RNGTT: variants seen among roughly 807,000 people sequenced by gnomAD.
RNGTT encodes the protein RNA guanylyltransferase and 5'-phosphatase.
RNGTT carries 33 observed loss-of-function variants against 79.3 expected under a neutral mutation model. That is an observed-to-expected ratio of 0.42 (90% CI 0.32 to 0.56). RNGTT has a LOEUF of 0.56. Ranked by LOEUF, RNGTT falls within the 20% of genes least tolerant of loss-of-function variation. The pLI is 0.17. For synonymous variants in RNGTT, 222 were observed against 235.9 expected, an observed-to-expected ratio of 0.94 and a Z score of 0.54; for missense variants, 497 against 739.1, an observed-to-expected ratio of 0.67 and a Z score of 3.80.
intron 14 of RNGTT, among the ~76,000 whole-genome samples, chr6:88,665,430 C>T (rs1000067323): frequency 6.6e-6 from 1 of 152,144 alleles, no homozygotes; most frequent in Non-Finnish European, 1.5e-5. Flanking sequence ...CACCCCCCTC[C>T]TACCTGTTCC....
At chr6:88,906,325 ATTACAAAATACATC>A in intron 5 of RNGTT, 26 bp downstream of exon 5, 1 of 1,338,684 alleles carries the variant, frequency 7.5e-7, no homozygotes, top group Non-Finnish European at 1.0e-6. Flanking sequence ...AAAATTTTTT[ATTACAAAATACATC>A]TTCCATTATA....
chr6:88,752,533 A>G (rs181365812), intron 13 of RNGTT, among the ~76,000 whole-genome samples: 83 of 152,276 alleles, frequency 5.5e-4, no homozygotes, highest in Non-Finnish European at 7.9e-4. Context: ...CCAGACTACA[A>G]TATAACTGCT....
intron 11 of RNGTT, among the ~76,000 whole-genome samples, chr6:88,820,693 C>A (rs1042009862): frequency 6.6e-6 from 1 of 152,034 alleles, no homozygotes; most frequent in Non-Finnish European, 1.5e-5. Flanking sequence ...ATTTAAAATA[C>A]AATAACATTT....
At chr6:88,930,000 A>G (rs1312291679) in intron 2 of RNGTT, among the ~76,000 whole-genome samples, 6 of 149,068 alleles carry the variant, frequency 4.0e-5, no homozygotes, top group African/African-American at 7.4e-5. Context: ...ATGTATACAT[A>G]TATACATATG....
At chr6:88,946,528 C>G (rs969099181) in intron 1 of RNGTT, among the ~76,000 whole-genome samples, 8 of 152,186 alleles carry the variant, frequency 5.3e-5, no homozygotes, top group African/African-American at 1.9e-4. Flanking sequence ...TGATTAAGTT[C>G]AGTGAAGAAG....
chr6:88,675,042 G>C (rs1774811999), intron 14 of RNGTT, among the ~76,000 whole-genome samples: 1 of 151,510 alleles, frequency 6.6e-6, no homozygotes, highest in Non-Finnish European at 1.5e-5. Context: ...AGGTTGCAGT[G>C]AGCCGAGATT....
intron 8 of RNGTT, among the ~76,000 whole-genome samples, chr6:88,865,837 G>T (rs775414834): frequency 6.6e-6 from 1 of 151,900 alleles, no homozygotes; most frequent in African/African-American, 2.4e-5. Flanking sequence ...CAATAAACCC[G>T]AAAGCTATAA....
chr6:88,756,343 C>T (rs1308061556), intron 13 of RNGTT, among the ~76,000 whole-genome samples: 1 of 151,754 alleles, frequency 6.6e-6, no homozygotes, highest in Non-Finnish European at 1.5e-5. Flanking sequence ...CGTGACGGTG[C>T]GCGCCTGTAA....
chr6:88,865,569 A>G (rs1782140805), intron 8 of RNGTT, among the ~76,000 whole-genome samples: 1 of 152,168 alleles, frequency 6.6e-6, no homozygotes. Flanking sequence ...GTCAACAACT[A>G]TAGTAAAATA....
chr6:88,769,167 T>C (rs1778563896), intron 13 of RNGTT, among the ~76,000 whole-genome samples: 1 of 151,540 alleles, frequency 6.6e-6, no homozygotes, highest in Non-Finnish European at 1.5e-5. Context: ...TGGGGGGAGG[T>C]GTGCGGCGGG....
At chr6:88,879,987 GAC>G (rs1325200432) in intron 8 of RNGTT, among the ~76,000 whole-genome samples, 1 of 152,058 alleles carries the variant, frequency 6.6e-6, no homozygotes, top group Non-Finnish European at 1.5e-5. Context: ...TTTTATCTGA[GAC>G]AGAGACCACA....
At chr6:88,640,541 T>C (rs1348722701) in intron 14 of RNGTT, among the ~76,000 whole-genome samples, 5 of 134,174 alleles carry the variant, frequency 3.7e-5, no homozygotes, top group African/African-American at 1.5e-4. Context: ...AGTGAGACCT[T>C]GTCTCAAAAA....
chr6:88,798,235 C>T, intron 12 of RNGTT, among the ~76,000 whole-genome samples: 1 of 152,076 alleles, frequency 6.6e-6, no homozygotes, highest in Non-Finnish European at 1.5e-5. Context: ...GAGGCTGAGG[C>T]AGGCGGATTG....
chr6:88,774,303 A>G (rs1050312183), intron 12 of RNGTT, among the ~76,000 whole-genome samples: 3 of 112,480 alleles, frequency 2.7e-5, no homozygotes, highest in Non-Finnish European at 6.1e-5. Flanking sequence ...TATAATTTAG[A>G]AAAAAAAACA....
At chr6:88,629,788 C>CTT (rs1161398691) in intron 14 of RNGTT, among the ~76,000 whole-genome samples, 2 of 152,116 alleles carry the variant, frequency 1.3e-5, no homozygotes, top group Non-Finnish European at 2.9e-5. Context: ...AGGTAGGTAG[C>CTT]TTTTCATCTT....
At chr6:88,705,555 A>T (rs1776100375) in intron 13 of RNGTT, among the ~76,000 whole-genome samples, 1 of 152,142 alleles carries the variant, frequency 6.6e-6, no homozygotes, top group Non-Finnish European at 1.5e-5. Flanking sequence ...GCATAAATAG[A>T]AATATGTAAT....
At chr6:88,653,639 C>A (rs1433992792) in intron 14 of RNGTT, among the ~76,000 whole-genome samples, 1 of 152,086 alleles carries the variant, frequency 6.6e-6, no homozygotes, top group Non-Finnish European at 1.5e-5. Context: ...TTAAAATTTT[C>A]AATGCAGTAA....
At chr6:88,794,106 C>T (rs1252520076) in intron 12 of RNGTT, among the ~76,000 whole-genome samples, 3 of 152,140 alleles carry the variant, frequency 2.0e-5, no homozygotes, top group African/African-American at 7.2e-5. Context: ...CTACATTTTA[C>T]AGATGAAAAA....
At chr6:88,948,575 GC>G (rs1331189073) in intron 1 of RNGTT, among the ~76,000 whole-genome samples, 2 of 148,240 alleles carry the variant, frequency 1.3e-5, no homozygotes, top group Non-Finnish European at 3.0e-5. Context: ...GAAGTGAGTA[GC>G]CCCTCTGCCC....
Sources: gnomAD v4.1 joint callset for allele counts (sites outside exome capture counted in the v4.1 genomes callset) on GRCh38, gnomAD v4.1.1 for gene constraint, MANE v1.5 for transcripts, NCBI Gene and HGNC (gene_info 2026-07-23, HGNC 2026-07-21) for gene names.